The following MAPK10 variants were observed in gnomAD, a reference collection of about 807,000 sequenced individuals.
MAPK10 encodes the protein JNK3 alpha protein kinase.
A neutral mutation model predicts 59.3 loss-of-function variants in MAPK10; 25 were observed. That is an observed-to-expected ratio of 0.42 (90% CI 0.31 to 0.59). The LOEUF is 0.59. Among genes scored for constraint, MAPK10 ranks in the 20% least tolerant of loss-of-function variants. The probability of loss-of-function intolerance (pLI) is 0.15; values close to 1 mark genes in which losing one functional copy is unlikely to be tolerated. For missense variants in MAPK10, 351 were observed against 568.9 expected, an observed-to-expected ratio of 0.62 and a Z score of 3.90; for synonymous variants, 190 against 200.5, an observed-to-expected ratio of 0.95 and a Z score of 0.44.
chr4:86,127,364 T>C (rs891792572), intron 4 of MAPK10, among the ~76,000 whole-genome samples: 3 of 152,016 alleles, frequency 2.0e-5, no homozygotes, highest in Non-Finnish European at 4.4e-5. Context: ...TAATTGATGA[T>C]TGATGTACTC....
At chr4:86,443,073 G>A (rs1049426274) in intron 1 of MAPK10, among the ~76,000 whole-genome samples, 8 of 152,218 alleles carry the variant, frequency 5.3e-5, no homozygotes, top group Middle Eastern at 6.8e-3. Context: ...GGGAACCAGT[G>A]CCCCAGCAGG....
intron 2 of MAPK10, among the ~76,000 whole-genome samples, chr4:86,318,426 G>C (rs1381032388): frequency 6.6e-6 from 1 of 152,080 alleles, no homozygotes; most frequent in Non-Finnish European, 1.5e-5. Flanking sequence ...TTTTGAATTA[G>C]AGAAAGTTCA....
chr4:86,465,094 G>A (rs1217560868), intron 1 of MAPK10, among the ~76,000 whole-genome samples: 3 of 152,318 alleles, frequency 2.0e-5, no homozygotes, highest in African/African-American at 2.4e-5. Flanking sequence ...GTTAATCCTC[G>A]AGGATTGGAA....
intron 2 of MAPK10, among the ~76,000 whole-genome samples, chr4:86,311,118 G>GA (rs1438372432): frequency 6.6e-6 from 1 of 151,114 alleles, no homozygotes; most frequent in Non-Finnish European, 1.5e-5. Flanking sequence ...TATTTGTCCT[G>GA]AAAAACAAAC....
chr4:86,191,893 T>C (rs2079984472), intron 3 of MAPK10: 1 of 152,130 alleles, frequency 6.6e-6, no homozygotes, highest in African/African-American at 2.4e-5. Context: ...TGGGATGTTT[T>C]TTCAGTGGCT....
intron 1 of MAPK10, among the ~76,000 whole-genome samples, chr4:86,517,621 T>C (rs982997844): frequency 6.6e-6 from 1 of 152,148 alleles, no homozygotes; most frequent in Non-Finnish European, 1.5e-5. Context: ...TAGTATTTTG[T>C]TGAGGATTTT....
At chr4:86,436,267 A>C (rs1748703718) in intron 1 of MAPK10, among the ~76,000 whole-genome samples, 1 of 152,166 alleles carries the variant, frequency 6.6e-6, no homozygotes, top group African/African-American at 2.4e-5. Context: ...GAGCACTAAA[A>C]TCCTTTTAGT....
intron 3 of MAPK10, among the ~76,000 whole-genome samples, chr4:86,189,717 CT>C (rs2079180103): frequency 6.6e-6 from 1 of 152,030 alleles, no homozygotes; most frequent in South Asian, 2.1e-4. Flanking sequence ...GACTTCTTCT[CT>C]TCTTATTTGA....
intron 3 of MAPK10, among the ~76,000 whole-genome samples, chr4:86,189,331 A>G (rs143776384): frequency 0.085 from 12,958 of 152,216 alleles, 1,227 homozygotes; most frequent in African/African-American, 0.23. Flanking sequence ...AAATTACTTT[A>G]GGCAGTATGG....
At chr4:86,175,337 G>C (rs1049497270) in intron 3 of MAPK10, among the ~76,000 whole-genome samples, 11 of 152,108 alleles carry the variant, frequency 7.2e-5, no homozygotes, top group Non-Finnish European at 1.6e-4. Flanking sequence ...CTAAAGCCAT[G>C]TTTTCATTCA....
intron 11 of MAPK10, among the ~76,000 whole-genome samples, chr4:86,041,214 A>G: frequency 6.6e-6 from 1 of 152,206 alleles, no homozygotes; most frequent in Non-Finnish European, 1.5e-5. Flanking sequence ...CAAACCTGAC[A>G]AAAACAAGCA....
At chr4:86,190,939 A>G (rs1252691023) in intron 3 of MAPK10, among the ~76,000 whole-genome samples, 1 of 151,960 alleles carries the variant, frequency 6.6e-6, no homozygotes, top group Admixed American at 6.6e-5. Flanking sequence ...ATTCTGGTAT[A>G]TTGTGTCTTT....
chr4:86,116,395 T>C (rs925860823), intron 4 of MAPK10, among the ~76,000 whole-genome samples: 1 of 152,252 alleles, frequency 6.6e-6, no homozygotes, highest in Admixed American at 6.5e-5. Context: ...ATCAAGACTT[T>C]ATATGTGTAT....
intron 4 of MAPK10, among the ~76,000 whole-genome samples, chr4:86,136,950 A>G (rs977105911): frequency 3.9e-5 from 6 of 152,226 alleles, no homozygotes; most frequent in South Asian, 2.1e-4. Context: ...GCCATTACAT[A>G]ATGGTAAAGT....
At chr4:86,035,370 CA>C (rs70948779) in intron 11 of MAPK10, among the ~76,000 whole-genome samples, 518 of 37,830 alleles carry the variant, frequency 0.014, 1 homozygote, top group East Asian at 0.021. Flanking sequence ...GACTCTGTCT[CA>C]AAAAAAAAAA....
In MAPK10 at chr4:86,575,663, T is replaced by C. The variant is rs147837318; in HGVS notation, c.-263+18247A>G. Among the ~76,000 whole-genome samples the C allele has an allele frequency of 5.8e-3, 876 of 151,956 alleles. 7 individuals carry two copies. Among genetic ancestry groups the C allele is most frequent in the Middle Eastern group, 0.01 (3 of 294 alleles). ...GACACAGGAGATCATATGTTGTTTT[T>C]GTTTTGTTTCTAGTCTGTTGATATG... On this transcript the variant is annotated intron_variant, in intron 1 of 4. Coordinates refer to the MAPK10 transcript ENST00000502302.
intron 1 of MAPK10, among the ~76,000 whole-genome samples, chr4:86,564,282 T>C (rs1248394852): frequency 6.6e-6 from 1 of 152,206 alleles, no homozygotes; most frequent in African/African-American, 2.4e-5. Context: ...TAGCTTTGCC[T>C]AGGTTTGTAT....
intron 3 of MAPK10, among the ~76,000 whole-genome samples, chr4:86,180,382 G>A (rs1333763089): frequency 6.6e-6 from 1 of 151,670 alleles, no homozygotes; most frequent in East Asian, 1.9e-4. Context: ...CACTGTTGGT[G>A]GGAATGTAAA....
intron 3 of MAPK10, among the ~76,000 whole-genome samples, chr4:86,168,687 T>C (rs556353009): frequency 6.6e-6 from 1 of 152,206 alleles, no homozygotes; most frequent in South Asian, 2.1e-4. Flanking sequence ...AATGTCCCTG[T>C]CTGACAGCTT....
Sources: allele counts gnomAD v4.1 joint callset (sites outside exome capture counted in the v4.1 genomes callset), GRCh38; gene constraint gnomAD v4.1.1; transcripts MANE v1.5; gene names NCBI Gene and HGNC (gene_info 2026-07-23, HGNC 2026-07-21).